SMCO2: variants seen among roughly 807,000 people sequenced by gnomAD.
SMCO2 encodes the protein single-pass membrane protein with coiled-coil domains 2, also known as single-pass membrane and coiled-coil domain-containing protein 2.
A neutral mutation model predicts 29.5 loss-of-function variants in SMCO2; 25 were observed. The ratio of observed to expected loss-of-function variants is 0.85; its 90% CI spans 0.62 to 1.18. The LOEUF (loss-of-function observed/expected upper bound fraction) is 1.18, where lower values mean the gene tolerates loss of function less well. Ranked by LOEUF, SMCO2 falls within the 50% of genes most tolerant of loss-of-function variation. SMCO2 has a pLI of 0.00. For synonymous variants in SMCO2, 117 were observed against 123.3 expected (o/e 0.95, Z 0.34); for missense variants, 348 against 344.5 (o/e 1.01, Z -0.08).
intron 7 of SMCO2, among the ~76,000 whole-genome samples, chr12:27,499,191 T>A (rs1943048410): frequency 6.6e-6 from 1 of 150,706 alleles, no homozygotes; most frequent in Non-Finnish European, 1.5e-5. Flanking sequence ...AATCCAAATG[T>A]CCGTTAACTG....
chr12:27,442,420 C>G, the SMCO2 span, among the ~76,000 whole-genome samples: 1 of 152,042 alleles, frequency 6.6e-6, no homozygotes, highest in East Asian at 1.9e-4. Flanking sequence ...CTAGTATGAA[C>G]AACTGTATGC....
intron 5 of SMCO2, 75 bp from the exon 7 acceptor site, chr12:27,494,225 A>G (rs1188917676): frequency 1.0e-6 from 1 of 985,384 alleles, no homozygotes. Context: ...GGTTTGTCAA[A>G]ATAAGTGAGA....
At chr12:27,468,349 C>T (rs965172358) in intron 1 of SMCO2, among the ~76,000 whole-genome samples, 1 of 152,162 alleles carries the variant, frequency 6.6e-6, no homozygotes, top group African/African-American at 2.4e-5. Context: ...ATTTCTCTTG[C>T]AACCATTCAA....
At chr12:27,463,943 G>GCAAAT (rs1220101021), upstream of SMCO2, among the ~76,000 whole-genome samples, 3 of 152,290 alleles carry the variant, frequency 2.0e-5, no homozygotes, top group East Asian at 5.8e-4. Flanking sequence ...CAGAAGCAAA[G>GCAAAT]CAACAGTGCG....
chr12:27,440,711 T>G, the SMCO2 span, among the ~76,000 whole-genome samples: 17 of 151,422 alleles, frequency 1.1e-4, no homozygotes, highest in South Asian at 3.6e-3. Context: ...GATAAGTTGT[T>G]ATCTCTTTAA....
the SMCO2 span, chr12:27,446,755 C>T: frequency 6.6e-6 from 1 of 152,206 alleles, no homozygotes; most frequent in Admixed American, 6.5e-5. Flanking sequence ...CAAACATTAG[C>T]TGTACCTGAG....
At chr12:27,426,660 T>G in the SMCO2 span, among the ~76,000 whole-genome samples, 1 of 152,190 alleles carries the variant, frequency 6.6e-6, no homozygotes, top group Non-Finnish European at 1.5e-5. Flanking sequence ...ATAGAGAAGC[T>G]TCATCATTAA....
intron 2 of SMCO2, 34 bp from the exon 3 acceptor site, chr12:27,472,742 A>G (rs1949551624): frequency 2.6e-6 from 4 of 1,524,040 alleles, no homozygotes; most frequent in Non-Finnish European, 3.6e-6. Flanking sequence ...CAAAGGCATA[A>G]TAACAGCCTC....
At chr12:27,432,555 A>G in the SMCO2 span, among the ~76,000 whole-genome samples, 8 of 152,228 alleles carry the variant, frequency 5.3e-5, no homozygotes, top group African/African-American at 1.4e-4. Context: ...ATCCCTGTTC[A>G]TATTTAAAAG....
At chr12:27,469,796 C>T (rs73086399) in intron 1 of SMCO2, among the ~76,000 whole-genome samples, 8,665 of 152,200 alleles carry the variant, frequency 0.057, 294 homozygotes, top group East Asian at 0.12. Flanking sequence ...GTTTCCTTTC[C>T]GTTATTTTTC....
At chr12:27,495,601 A>G (rs1410302388) in intron 6 of SMCO2, 79 bp from the exon 8 acceptor site, 3 of 1,308,752 alleles carry the variant, frequency 2.3e-6, no homozygotes, top group African/African-American at 1.5e-5. Context: ...TCCAGAGGAA[A>G]AGCACTCAGC....
At chr12:27,502,153 T>G (rs1485333588) in exon 8 of SMCO2, 1 of 1,461,886 alleles carries the variant, frequency 6.8e-7, no homozygotes, top group Non-Finnish European at 9.1e-7. Flanking sequence ...CCTACTGACT[T>G]TCTCACCAGT....
At chr12:27,481,148 G>T (rs1248208944) in intron 4 of SMCO2, among the ~76,000 whole-genome samples, 3 of 152,196 alleles carry the variant, frequency 2.0e-5, no homozygotes, top group Non-Finnish European at 2.9e-5. Context: ...GAAATGCAGG[G>T]GCTATTGGGC....
chr12:27,489,250 T>C (rs531357699), intron 5 of SMCO2, among the ~76,000 whole-genome samples: 6 of 152,274 alleles, frequency 3.9e-5, no homozygotes, highest in Admixed American at 2.6e-4. Context: ...GGTTTCATCA[T>C]GTTGGCCAGG....
chr12:27,487,080 A>G (rs1435882124), intron 4 of SMCO2, among the ~76,000 whole-genome samples: 1 of 152,232 alleles, frequency 6.6e-6, no homozygotes, highest in Non-Finnish European at 1.5e-5. Context: ...GCTTATTCAG[A>G]CTTCACCATT....
At chr12:27,456,637 G>C in the SMCO2 span, among the ~76,000 whole-genome samples, 2 of 152,290 alleles carry the variant, frequency 1.3e-5, no homozygotes, top group East Asian at 3.9e-4. Flanking sequence ...ATTAAAATCA[G>C]TTTCTTCCTT....
chr12:27,468,122 C>G (rs563465635), intron 1 of SMCO2, among the ~76,000 whole-genome samples: 1 of 151,994 alleles, frequency 6.6e-6, no homozygotes, highest in Admixed American at 6.6e-5. Context: ...AAAGTGAGGC[C>G]CCCAGACAAT....
At chr12:27,477,009 T>C (rs1459699631) in intron 4 of SMCO2, among the ~76,000 whole-genome samples, 1 of 152,126 alleles carries the variant, frequency 6.6e-6, no homozygotes, top group Non-Finnish European at 1.5e-5. Context: ...CTCATTTGTA[T>C]ATCTATTCTA....
intron 7 of SMCO2, among the ~76,000 whole-genome samples, chr12:27,499,106 T>G (rs1943047333): frequency 6.6e-6 from 1 of 150,728 alleles, no homozygotes; most frequent in East Asian, 1.9e-4. Context: ...CTCAAAAGAA[T>G]TGAAAATGTC....
Sources: gnomAD v4.1 joint callset for allele counts (sites outside exome capture counted in the v4.1 genomes callset) on GRCh38, gnomAD v4.1.1 for gene constraint, MANE v1.5 for transcripts, NCBI Gene and HGNC (gene_info 2026-07-23, HGNC 2026-07-21) for gene names.